The following MECOM variants were observed in gnomAD, a reference collection of about 807,000 sequenced individuals.
MECOM encodes the protein MDS1 and EVI1 complex locus.
In MECOM, 13 loss-of-function variants were observed where a neutral mutation model predicts 116.3. The ratio of observed to expected loss-of-function variants is 0.11; its 90% CI spans 0.07 to 0.18. MECOM has a LOEUF of 0.18. MECOM is among the 10% of genes least tolerant of loss of function. MECOM has a pLI of 1.00. For missense variants in MECOM, 1,299 were observed against 1,509.0 expected (o/e 0.86, Z 2.31); for synonymous variants, 528 against 535.2 (o/e 0.99, Z 0.19).
At chr3:169,164,629 A>G (rs13094407) in intron 2 of MECOM, among the ~76,000 whole-genome samples, 14,852 of 152,236 alleles carry the variant, frequency 0.098, 940 homozygotes, top group Non-Finnish European at 0.14. Flanking sequence ...TTTCCCTAAA[A>G]ACACAAAGGT....
intron 2 of MECOM, among the ~76,000 whole-genome samples, chr3:169,322,349 C>A (rs1026245793): frequency 6.6e-6 from 1 of 152,040 alleles, no homozygotes; most frequent in Non-Finnish European, 1.5e-5. Context: ...GGGCTAACAC[C>A]CAATTTTATT....
chr3:169,254,048 C>G (rs913535287), intron 2 of MECOM, among the ~76,000 whole-genome samples: 1 of 152,056 alleles, frequency 6.6e-6, no homozygotes, highest in Non-Finnish European at 1.5e-5. Context: ...TCATGTGATG[C>G]CCTTTTAAAA....
At chr3:169,539,975 C>T (rs1759873998) in intron 1 of MECOM, among the ~76,000 whole-genome samples, 1 of 152,162 alleles carries the variant, frequency 6.6e-6, no homozygotes. Context: ...TCTGGTGGAG[C>T]TCTTTTTGCT....
At chr3:169,245,429 T>A (rs1755459435) in intron 2 of MECOM, among the ~76,000 whole-genome samples, 1 of 152,242 alleles carries the variant, frequency 6.6e-6, no homozygotes, top group African/African-American at 2.4e-5. Context: ...TTAGACATAG[T>A]CAACACATTA....
chr3:169,562,673 C>T (rs1427633865), intron 1 of MECOM, among the ~76,000 whole-genome samples: 1 of 152,182 alleles, frequency 6.6e-6, no homozygotes, highest in Non-Finnish European at 1.5e-5. Flanking sequence ...AAACCCCAAA[C>T]TCTCCAGAAA....
At chr3:169,410,626 T>C (rs1737407962) in intron 1 of MECOM, among the ~76,000 whole-genome samples, 2 of 152,170 alleles carry the variant, frequency 1.3e-5, no homozygotes, top group African/African-American at 4.8e-5. Context: ...TCATTTGACA[T>C]TTCTCCTCCA....
rs528816731 is a variant in MECOM at position 169,566,464 on chromosome 3, C to T, written c.37+96872G>A. Among the ~76,000 whole-genome samples the T allele has an allele frequency of 3.9e-5, 6 of 152,284 alleles. No homozygotes were observed. The South Asian group carries it at 1.2e-3, about 32-fold the overall frequency. ...AGGCTGGTTTTAAAATTACAATAAT[C>T]GGTAATAATATCAAAAGCTACAACC... On this transcript the variant is annotated intron_variant, in intron 1 of 16. Transcript: ENST00000651503.
At chr3:169,393,668 C>T (rs1734573266) in intron 1 of MECOM, among the ~76,000 whole-genome samples, 1 of 152,094 alleles carries the variant, frequency 6.6e-6, no homozygotes, top group Admixed American at 6.6e-5. Flanking sequence ...AACAATATCT[C>T]AGTGATTTTT....
intron 1 of MECOM, among the ~76,000 whole-genome samples, chr3:169,569,471 A>G (rs1487945616): frequency 6.6e-6 from 1 of 152,224 alleles, no homozygotes; most frequent in Non-Finnish European, 1.5e-5. Flanking sequence ...TCAGCTCTGG[A>G]CCAAGCAGAC....
chr3:169,100,105 T>TTC (rs1402923118), intron 12 of MECOM, among the ~76,000 whole-genome samples: 1 of 137,920 alleles, frequency 7.3e-6, no homozygotes, highest in African/African-American at 2.6e-5. Flanking sequence ...TTCTTTCTTT[T>TTC]TTTTTTTTTT....
At chr3:169,133,209 T>C (rs1735330392) in intron 3 of MECOM, 1 of 152,126 alleles carries the variant, frequency 6.6e-6, no homozygotes. Context: ...TACTGTTAAC[T>C]ATGGTTTTTT....
At chr3:169,522,697 C>T (rs1439033031) in intron 1 of MECOM, among the ~76,000 whole-genome samples, 1 of 152,118 alleles carries the variant, frequency 6.6e-6, no homozygotes, top group East Asian at 1.9e-4. Context: ...TGTAAGGTAA[C>T]AGTATAAGGA....
At chr3:169,424,336 C>G (rs1740285764) in intron 1 of MECOM, among the ~76,000 whole-genome samples, 1 of 152,014 alleles carries the variant, frequency 6.6e-6, no homozygotes, top group Non-Finnish European at 1.5e-5. Flanking sequence ...ACAGCTAAAC[C>G]CTGCAACTGA....
intron 2 of MECOM, among the ~76,000 whole-genome samples, chr3:169,265,593 G>A (rs985544517): frequency 3.3e-5 from 5 of 152,198 alleles, no homozygotes; most frequent in Admixed American, 6.5e-5. Context: ...GAATGAAGGA[G>A]TGTGTGACAT....
rs1171953270 is a variant in MECOM, at chr3:169,663,318, A to G, written c.37+18T>C. The G allele has an allele frequency of 1.2e-6, 2 of 1,605,416 alleles. No individual in the cohort carries two copies. The highest frequency in any genetic ancestry group is 1.7e-6 in the Non-Finnish European group (2 of 1,176,012). On this transcript the variant is annotated intron_variant, in intron 1 of 16. Coordinates refer to ENST00000651503, the MANE Select transcript of MECOM (RefSeq NM_004991.4). ...AGAGGAGGGGGAAAAGCCAATAGAA[A>G]AGGGATATTGCACCTACTTGTGGCC...
intron 2 of MECOM, among the ~76,000 whole-genome samples, chr3:169,274,315 C>A (rs367676446): frequency 3.3e-5 from 5 of 152,066 alleles, no homozygotes; most frequent in African/African-American, 9.7e-5. Context: ...ACTTGTTTTA[C>A]GTGATAATGT....
At chr3:169,117,917 T>C (rs1003292147) in intron 7 of MECOM, among the ~76,000 whole-genome samples, 2 of 152,236 alleles carry the variant, frequency 1.3e-5, no homozygotes, top group African/African-American at 4.8e-5. Context: ...ATGTGTGAGC[T>C]TATTTTAACA....
chr3:169,594,174 A>AAAAAAAAAAACAAAAAAAAAAAAAACAAC (rs1255613781), intron 1 of MECOM, among the ~76,000 whole-genome samples: 1 of 125,934 alleles, frequency 7.9e-6, no homozygotes, highest in Non-Finnish European at 1.6e-5. Flanking sequence ...AAAAAAAAAA[A>AAAAAAAAAAACAAAAAAAAAAAAAACAAC]AACACCTTTT....
chr3:169,575,510 T>G (rs1764387206), intron 1 of MECOM, among the ~76,000 whole-genome samples: 1 of 152,200 alleles, frequency 6.6e-6, no homozygotes, highest in African/African-American at 2.4e-5. Context: ...CCTTCTTTGC[T>G]AATGAGCTAA....
Sources: gnomAD v4.1 joint callset for allele counts (sites outside exome capture counted in the v4.1 genomes callset) on GRCh38, gnomAD v4.1.1 for gene constraint, MANE v1.5 for transcripts, NCBI Gene and HGNC (gene_info 2026-07-23, HGNC 2026-07-21) for gene names.